UFL1: variants seen among roughly 807,000 people sequenced by gnomAD.
The protein encoded by UFL1 is UFM1 specific ligase 1, also known as E3 UFM1-protein ligase 1.
UFL1 carries 78 observed loss-of-function variants against 99.3 expected under a neutral mutation model. The observed-to-expected ratio is 0.79, with a 90% CI of 0.65 to 0.95. The LOEUF (loss-of-function observed/expected upper bound fraction) is 0.95. UFL1 is among the 40% of genes least tolerant of loss of function. The pLI, the probability that UFL1 is intolerant of heterozygous loss-of-function variation, is 0.00. For missense variants in UFL1, 936 were observed against 937.0 expected (o/e 1.00, Z 0.01); for synonymous variants, 335 against 322.2 (o/e 1.04, Z -0.42).
At chr6:96,522,476 G>A (rs1365549735) in intron 1 of UFL1, among the ~76,000 whole-genome samples, 1 of 152,116 alleles carries the variant, frequency 6.6e-6, no homozygotes, top group Non-Finnish European at 1.5e-5. Flanking sequence ...TTTTCTACAA[G>A]CCCACTAACC....
At chr6:96,527,319 T>C (rs1418201220) in intron 5 of UFL1, among the ~76,000 whole-genome samples, 1 of 152,144 alleles carries the variant, frequency 6.6e-6, no homozygotes, top group Non-Finnish European at 1.5e-5. Context: ...AATATTGTCT[T>C]TTTTATAGGC....
rs999800678 is a variant in UFL1 at position 96,528,598 on chromosome 6, G to T, written c.562G>T (p.Ala188Ser). ...FTEAFVARHK[A>S]RIRGLFSAIT... is the part of the protein sequence containing the mutation. ...GGAAGCTTTTGTAGCTCGACATAAA[G>T]CACGTATCCGTGGACTATTCAGTGC... The change falls in exon 6 of 19, where the codon GCA becomes TCA. Residue 188 changes from alanine (A) to serine (S), a missense_variant. Transcript: ENST00000369278. The T allele has an allele frequency of 6.2e-7, 1 of 1,613,812 alleles. No individual in the cohort carries two copies. The highest frequency in any genetic ancestry group is 8.5e-7 in the Non-Finnish European group (1 of 1,179,822).
intron 6 of UFL1, among the ~76,000 whole-genome samples, chr6:96,529,760 A>G (rs757465922): frequency 3.3e-5 from 5 of 152,286 alleles, no homozygotes; most frequent in African/African-American, 9.6e-5. Flanking sequence ...TTGTCATTCA[A>G]CAAATCAACA....
chr6:96,540,799 T>G (rs1769920766), intron 11 of UFL1, 144 bp downstream of exon 11: 1 of 982,000 alleles, frequency 1.0e-6, no homozygotes, highest in Non-Finnish European at 1.4e-6. Context: ...AATATTTTGC[T>G]AATGTGTTAA....
chr6:96,522,551 C>T (rs778909863), intron 1 of UFL1, among the ~76,000 whole-genome samples: 2 of 152,150 alleles, frequency 1.3e-5, no homozygotes, highest in African/African-American at 4.8e-5. Context: ...AGAAGCCTTT[C>T]TATTCTTTGA....
chr6:96,525,450 T>G (rs1769685162), intron 4 of UFL1, 56 bp downstream of exon 4: 4 of 1,391,316 alleles, frequency 2.9e-6, no homozygotes, highest in Non-Finnish European at 4.0e-6. Context: ...TTTCTTTTTT[T>G]TATAGTGTTT....
chr6:96,541,178 T>C (rs1381334606), intron 11 of UFL1, among the ~76,000 whole-genome samples: 1 of 151,472 alleles, frequency 6.6e-6, no homozygotes, highest in Non-Finnish European at 1.5e-5. Flanking sequence ...TTTATTTGCA[T>C]CACTTTATCA....
At chr6:96,535,443 G>A (rs1485408678) in intron 7 of UFL1, among the ~76,000 whole-genome samples, 9 of 151,856 alleles carry the variant, frequency 5.9e-5, no homozygotes, top group Non-Finnish European at 1.2e-4. Context: ...AGCACCTTCC[G>A]CTTCGTGGTG....
At chr6:96,551,794 C>A in intron 16 of UFL1, 44 bp from the exon 17 acceptor site, 1 of 1,257,522 alleles carries the variant, frequency 8.0e-7, no homozygotes, top group Non-Finnish European at 1.1e-6. Flanking sequence ...CTTCCTTATG[C>A]AGTTATATAT....
chr6:96,543,928 A>T (rs1769965393), intron 12 of UFL1, among the ~76,000 whole-genome samples: 1 of 151,062 alleles, frequency 6.6e-6, no homozygotes, highest in African/African-American at 2.4e-5. Context: ...TATAAACATT[A>T]GTTTTATTTT....
Position 96,536,237 on chromosome 6 carries a change from T to C in UFL1, c.656-7T>C. 1 of 1,607,076 alleles carries C rather than the reference T, an allele frequency of 6.2e-7. No homozygotes were observed. The highest frequency in any genetic ancestry group is 8.5e-7 in the Non-Finnish European group (1 of 1,175,164). On this transcript the variant is annotated splice_polypyrimidine_tract_variant and splice_region_variant and intron_variant, in intron 7 of 18. Coordinates refer to ENST00000369278, the MANE Select transcript of UFL1 (RefSeq NM_015323.5). ...ATTTATTTGTATTCATGTGGGTTTGTTTTAAGCTGTGCTTGAGGAACTTGT... is the reference window on the plus strand; with the variant it reads ...ATTTATTTGTATTCATGTGGGTTTGCTTTAAGCTGTGCTTGAGGAACTTGT...
intron 6 of UFL1, among the ~76,000 whole-genome samples, chr6:96,533,321 A>T (rs1582439561): frequency 6.6e-6 from 1 of 152,248 alleles, no homozygotes; most frequent in Admixed American, 6.5e-5. Context: ...TAGGAGCATT[A>T]TCCACAGTAG....
At chr6:96,540,709 T>G in intron 11 of UFL1, 54 bp downstream of exon 11, 2 of 1,559,108 alleles carry the variant, frequency 1.3e-6, no homozygotes, top group South Asian at 2.4e-5. Flanking sequence ...TGCAGTGAAC[T>G]TTGCATTTAT....
rs183347430 is a variant in UFL1 at position 96,549,137 on chromosome 6, A to T, written c.1521-275A>T. 1.9e-3 allele frequency among the ~76,000 whole-genome samples: 289 copies of T among 151,864 alleles called. 1 individual carries two copies. The highest frequency in any genetic ancestry group is 6.8e-3 in the African/African-American group (281 of 41,516). The stretch of plus-strand genomic sequence containing the variant: ...GTCTACTAGTCTCCAAATTAATTTT[A>T]AAAAGCAATTTTGAATTATGGGGGT... On this transcript the variant is annotated intron_variant, in intron 13 of 18. Coordinates refer to ENST00000369278, the MANE Select transcript of UFL1 (RefSeq NM_015323.5).
At position 96,554,154 on chromosome 6, in the gene UFL1, GCTGTGTTCTCTT is replaced by G. The variant is rs1770122536; in HGVS notation, c.*654_*665del. 6.6e-6 allele frequency: 1 copy of G among 152,152 alleles called. No individual in the cohort carries two copies. The highest frequency in any genetic ancestry group is 2.1e-4 in the South Asian group (1 of 4,836). The allele number at this position is 152,152 out of a possible 1,614,324, so 9.4% of individuals were successfully genotyped here. A position where few individuals can be genotyped will look rare whatever the true frequency, so the allele number is the denominator to read the frequency against. On this transcript the variant is annotated 3_prime_UTR_variant, in exon 19 of 19. Coordinates refer to ENST00000369278, the MANE Select transcript of UFL1 (RefSeq NM_015323.5). ...AGAACGCTAGAGTGGCCCATGCATT[GCTGTGTTCTCTT>G]CTAAAACAAGCTACTAACAAGAGAG...
At chr6:96,524,354 AAAAT>A (rs763803509) in intron 2 of UFL1, 24 bp from the exon 3 acceptor site, 1 of 1,584,034 alleles carries the variant, frequency 6.3e-7, no homozygotes, top group East Asian at 2.3e-5. Context: ...TAGATCATTT[AAAAT>A]AAATGAATGT....
rs1475744647 is a variant in UFL1, at chr6:96,536,299, G to C, written c.711G>C (p.Gly237=). 1 of 1,611,240 alleles carries C rather than the reference G, an allele frequency of 6.2e-7. No homozygotes were observed. The highest frequency in any genetic ancestry group is 1.7e-5 in the Admixed American group (1 of 59,904). The part of the protein sequence containing the change: ...SGRLRGTVVG[G]RQDKAVFVPD... ...GCTTACGAGGCACTGTGGTTGGTGG[G>C]AGACAGGATAAAGCTGTGTTTGTCC... Residue 237 remains glycine (G), a synonymous_variant, in exon 8 of 19, where the codon GGG becomes GGC. Coordinates refer to ENST00000369278, the MANE Select transcript of UFL1 (RefSeq NM_015323.5).
chr6:96,526,145 A>G (rs1278524781), intron 4 of UFL1, among the ~76,000 whole-genome samples, 176 bp from the exon 5 acceptor site: 1 of 152,134 alleles, frequency 6.6e-6, no homozygotes, highest in African/African-American at 2.4e-5. Flanking sequence ...ACATTTAGCT[A>G]CACTAATGAG....
chr6:96,536,678 C>T (rs1769858603), intron 8 of UFL1, among the ~76,000 whole-genome samples: 1 of 151,596 alleles, frequency 6.6e-6, no homozygotes, highest in African/African-American at 2.4e-5. Context: ...TGTAAAAAGA[C>T]TAAAAGCTGG....
Sources: gnomAD v4.1 joint callset for allele counts (sites outside exome capture counted in the v4.1 genomes callset) on GRCh38, gnomAD v4.1.1 for gene constraint, MANE v1.5 for transcripts, NCBI Gene and HGNC (gene_info 2026-07-23, HGNC 2026-07-21) for gene names.